EEIG2: variants seen among roughly 807,000 people sequenced by gnomAD.
EEIG2 encodes the protein EEIG family member 2.
chr1:108,624,896 C>CT, the EEIG2 span: 1 of 643,220 alleles, frequency 1.6e-6, no homozygotes. Context: ...TGATCCAGTG[C>CT]TTTATTTTGT....
chr1:108,602,214 CA>C, the EEIG2 span, among the ~76,000 whole-genome samples: 3 of 151,798 alleles, frequency 2.0e-5, no homozygotes, highest in Non-Finnish European at 2.9e-5. Flanking sequence ...GACCTGAAAG[CA>C]AAAAAGCCCC....
At chr1:108,569,889 C>T in the EEIG2 span, among the ~76,000 whole-genome samples, 1 of 152,126 alleles carries the variant, frequency 6.6e-6, no homozygotes, top group African/African-American at 2.4e-5. Context: ...TACAGTCCAC[C>T]CACGGCTCCT....
chr1:108,572,503 A>G, the EEIG2 span, among the ~76,000 whole-genome samples: 1 of 151,764 alleles, frequency 6.6e-6, no homozygotes, highest in Non-Finnish European at 1.5e-5. Flanking sequence ...ATCTAATAAC[A>G]TGTGTTCACC....
the EEIG2 span, chr1:108,628,045 A>G: frequency 3.8e-6 from 3 of 781,928 alleles, no homozygotes; most frequent in East Asian, 5.3e-5. Context: ...GATGTCCCTC[A>G]TTTTGTAACT....
the EEIG2 span, among the ~76,000 whole-genome samples, chr1:108,572,301 T>C: frequency 6.6e-6 from 1 of 152,192 alleles, no homozygotes; most frequent in Non-Finnish European, 1.5e-5. Context: ...CAAAATTGAA[T>C]GGAAAATACG....
the EEIG2 span, among the ~76,000 whole-genome samples, chr1:108,572,935 C>T: frequency 1.3e-5 from 2 of 152,140 alleles, no homozygotes; most frequent in Admixed American, 6.5e-5. Flanking sequence ...TTCATGGCCT[C>T]GTAATTCATT....
chr1:108,579,772 TGAGAGA>T, the EEIG2 span, among the ~76,000 whole-genome samples: 1 of 58,820 alleles, frequency 1.7e-5, no homozygotes, highest in African/African-American at 6.5e-5. Context: ...TGTGTGTGTG[TGAGAGA>T]GAGAGAGAGA....
the EEIG2 span, chr1:108,612,255 T>C: frequency 8.8e-4 from 1,422 of 1,613,684 alleles, 10 homozygotes; most frequent in African/African-American, 0.017. Context: ...TGGAAGGCTA[T>C]GATACCAAAA....
the EEIG2 span, among the ~76,000 whole-genome samples, chr1:108,571,031 A>T: frequency 6.6e-6 from 1 of 152,180 alleles, no homozygotes; most frequent in East Asian, 1.9e-4. Context: ...GAAGAATGGC[A>T]TAGGGCAAAG....
the EEIG2 span, among the ~76,000 whole-genome samples, chr1:108,621,400 A>T: frequency 2.0e-5 from 3 of 152,326 alleles, no homozygotes; most frequent in East Asian, 5.8e-4. Flanking sequence ...CCCCATAGTC[A>T]GTGAATTTTC....
At chr1:108,635,015 C>A in the EEIG2 span, 2 of 1,155,628 alleles carry the variant, frequency 1.7e-6, no homozygotes, top group Non-Finnish European at 1.3e-6. Context: ...AGAAAAATAC[C>A]CAGTGCCCCA....
chr1:108,591,069 T>C, the EEIG2 span, among the ~76,000 whole-genome samples: 23,183 of 152,156 alleles, frequency 0.15, 2,827 homozygotes, highest in African/African-American at 0.34. Context: ...ACAAATCATA[T>C]TCTGTTGCTT....
At chr1:108,581,035 T>G in the EEIG2 span, among the ~76,000 whole-genome samples, 1 of 152,198 alleles carries the variant, frequency 6.6e-6, no homozygotes, top group African/African-American at 2.4e-5. Context: ...ATGCAACTAG[T>G]GACTTTCAGT....
the EEIG2 span, chr1:108,616,557 G>C: frequency 7.9e-6 from 5 of 631,276 alleles, no homozygotes; most frequent in Non-Finnish European, 1.3e-5. Flanking sequence ...TTCTTCCCTG[G>C]GAGACTGACC....
chr1:108,590,895 A>G, the EEIG2 span, among the ~76,000 whole-genome samples: 50 of 152,162 alleles, frequency 3.3e-4, no homozygotes, highest in African/African-American at 1.2e-3. Flanking sequence ...TGGATCCATA[A>G]TTTTCCTTTT....
chr1:108,584,361 C>T, the EEIG2 span, among the ~76,000 whole-genome samples: 3 of 152,002 alleles, frequency 2.0e-5, no homozygotes, highest in Non-Finnish European at 2.9e-5. Context: ...AACCTGATTA[C>T]TAGTTTAAGA....
chr1:108,591,379 TAGAG>T, the EEIG2 span, among the ~76,000 whole-genome samples: 1 of 152,230 alleles, frequency 6.6e-6, no homozygotes, highest in Non-Finnish European at 1.5e-5. Context: ...AACCTTTTTT[TAGAG>T]AGATTGTTTG....
At chr1:108,583,432 G>A in the EEIG2 span, among the ~76,000 whole-genome samples, 1 of 150,454 alleles carries the variant, frequency 6.6e-6, no homozygotes, top group Non-Finnish European at 1.5e-5. Flanking sequence ...ATGAGCCATT[G>A]TGTCCAACCC....
the EEIG2 span, among the ~76,000 whole-genome samples, chr1:108,615,663 T>G: frequency 6.6e-6 from 1 of 151,354 alleles, no homozygotes; most frequent in Non-Finnish European, 1.5e-5. Context: ...GCACCTATAG[T>G]CCCAGCTACT....
Sources: allele counts gnomAD v4.1 joint callset (sites outside exome capture counted in the v4.1 genomes callset), GRCh38; gene constraint gnomAD v4.1.1; transcripts MANE v1.5; gene names NCBI Gene and HGNC (gene_info 2026-07-23, HGNC 2026-07-21).